The following LMNB2 variants were observed in gnomAD, a reference collection of about 807,000 sequenced individuals.
LMNB2 encodes the protein lamin B2, also known as lamin-B2.
Under a neutral mutation model 69.3 loss-of-function variants are expected in LMNB2, and 17 were observed. The ratio of observed to expected loss-of-function variants is 0.25; its 90% CI spans 0.17 to 0.37. LMNB2 has a LOEUF of 0.37. LMNB2 is among the 10% of genes least tolerant of loss of function. The pLI is 1.00. For synonymous variants in LMNB2, 397 were observed against 389.3 expected (o/e 1.02, Z -0.23); for missense variants, 789 against 883.6 (o/e 0.89, Z 1.36).
intron 1 of LMNB2, among the ~76,000 whole-genome samples, chr19:2,452,987 T>C (rs1353231865): frequency 1.8e-5 from 1 of 55,612 alleles, no homozygotes; most frequent in Non-Finnish European, 3.3e-5. Flanking sequence ...GTCATCCTAA[T>C]GGGGGCTGGG....
intron 11 of LMNB2, 74 bp downstream of exon 11, chr19:2,431,474 T>C (rs1248287839): frequency 5.0e-6 from 8 of 1,592,132 alleles, no homozygotes; most frequent in East Asian, 2.2e-5. Flanking sequence ...CCAGCACGCA[T>C]GTGTATGTGT....
chr19:2,451,231 G>A (rs975606792), intron 1 of LMNB2, among the ~76,000 whole-genome samples: 4 of 152,128 alleles, frequency 2.6e-5, no homozygotes, highest in Non-Finnish European at 5.9e-5. Flanking sequence ...CCTGGAAAAC[G>A]AGACTGTCTC....
chr19:2,435,497 G>A (rs978837488), intron 4 of LMNB2, among the ~76,000 whole-genome samples: 6 of 152,196 alleles, frequency 3.9e-5, no homozygotes, highest in African/African-American at 1.4e-4. Context: ...GAAATGTCCA[G>A]GACAGGCCCA....
intron 1 of LMNB2, 93 bp from the exon 2 acceptor site, chr19:2,444,633 C>G: frequency 6.6e-7 from 1 of 1,520,480 alleles, no homozygotes; most frequent in Non-Finnish European, 9.0e-7. Context: ...GCTCAGATTC[C>G]CAGGGACTGG....
chr19:2,452,907 TGGGG>T (rs1337160061), intron 1 of LMNB2, among the ~76,000 whole-genome samples: 3 of 79,224 alleles, frequency 3.8e-5, no homozygotes, highest in African/African-American at 1.6e-4. Flanking sequence ...GTCATCCTCG[TGGGG>T]GATGGGTCAT....
intron 9 of LMNB2, 120 bp from the exon 10 acceptor site, chr19:2,432,022 C>A (rs765866698): frequency 7.7e-7 from 1 of 1,300,228 alleles, no homozygotes; most frequent in Non-Finnish European, 1.1e-6. Context: ...CCTTCCAGCC[C>A]GACGCAGGCT....
chr19:2,455,299 G>C (rs1248162761), intron 1 of LMNB2, among the ~76,000 whole-genome samples: 1 of 151,264 alleles, frequency 6.6e-6, no homozygotes, highest in Non-Finnish European at 1.5e-5. Flanking sequence ...GGCCTCCTCA[G>C]AGGGCCTGGG....
chr19:2,432,496 T>C lies in LMNB2; in HGVS notation c.1510A>G (p.Lys504Glu). 10 of 1,613,878 alleles carry C rather than the reference T, an allele frequency of 6.2e-6. No homozygotes were observed. The highest frequency in any genetic ancestry group is 8.5e-6 in the Non-Finnish European group (10 of 1,179,912). ...KDQSLGNWRI[K>E]RQVLEGEEIA... is the part of the protein sequence containing the mutation. Reference sequence around the variant, plus strand: ...TCCTCCCCCTCCAAGACCTGCCTCTTGATTCTCCAGTTCCCCAGAGACTGA... The same window carrying C: ...TCCTCCCCCTCCAAGACCTGCCTCTCGATTCTCCAGTTCCCCAGAGACTGA... Residue 504 changes from lysine (K) to glutamate (E), a missense_variant, in exon 9 of 12, where the codon AAG (lysine) becomes GAG (glutamate). This residue lies in a region of LMNB2 where 609 missense variants were observed against 630.9 expected (regional missense o/e 0.97). Transcript: ENST00000325327.
At chr19:2,434,727 C>T in intron 6 of LMNB2, 61 bp downstream of exon 6, 1 of 1,559,330 alleles carries the variant, frequency 6.4e-7, no homozygotes. Flanking sequence ...CCCCGCACAT[C>T]CAGGGCAGGG....
chr19:2,436,457 T>C (rs1971822448), intron 4 of LMNB2, among the ~76,000 whole-genome samples: 1 of 151,880 alleles, frequency 6.6e-6, no homozygotes, highest in Non-Finnish European at 1.5e-5. Context: ...ACCTTTGCAG[T>C]CAGCAAGGCG....
chr19:2,436,551 G>A lies in LMNB2; in HGVS notation c.685-1380C>T, dbSNP rs1187001877. On this transcript the variant is annotated intron_variant, in intron 4 of 11. Coordinates refer to ENST00000325327, the MANE Select transcript of LMNB2 (RefSeq NM_032737.4). ...CGCCTCCACGGCCGCGCACCCGCCTGCACAGCCGCCCTCCCGCCTTCACGG... is the reference window on the plus strand; with the variant it reads ...CGCCTCCACGGCCGCGCACCCGCCTACACAGCCGCCCTCCCGCCTTCACGG... Among the ~76,000 whole-genome samples the A allele has an allele frequency of 4.4e-5, 4 of 91,880 alleles. No homozygotes were observed. In the South Asian group the frequency reaches 1.5e-3, roughly 35 times the overall value. The allele number at this position is 91,880 out of a possible 152,430, so 60.3% of individuals were successfully genotyped here. A position where few individuals can be genotyped will look rare whatever the true frequency, so the allele number is the denominator to read the frequency against.
chr19:2,440,983 TA>T (rs1390191674), intron 2 of LMNB2, among the ~76,000 whole-genome samples: 1 of 152,202 alleles, frequency 6.6e-6, no homozygotes, highest in African/African-American at 2.4e-5. Context: ...GGATCCGTAA[TA>T]AATCTTCAAA....
In LMNB2 at chr19:2,439,894, C is replaced by T. The variant is rs1438323696; in HGVS notation, c.402-1363G>A. 2.6e-5 allele frequency among the ~76,000 whole-genome samples: 4 copies of T among 151,834 alleles called. No individual in the cohort carries two copies. In the South Asian group the frequency reaches 8.3e-4, roughly 32 times the overall value. The stretch of plus-strand genomic sequence containing the variant: ...GATTACAGGCATGCGCCACCAGCGT[C>T]CGCTAATTTTTTATTTTTAGTAGAG... On this transcript the variant is annotated intron_variant, in intron 2 of 11. Coordinates refer to ENST00000325327, the MANE Select transcript of LMNB2 (RefSeq NM_032737.4).
At chr19:2,452,729 AAAG>A (rs1972038505) in intron 1 of LMNB2, among the ~76,000 whole-genome samples, 1 of 152,142 alleles carries the variant, frequency 6.6e-6, no homozygotes, top group Admixed American at 6.5e-5. Context: ...CTATCTCAAA[AAAG>A]AAGTGAGAAA....
chr19:2,435,543 G>A (rs775867167), intron 4 of LMNB2, among the ~76,000 whole-genome samples: 1 of 152,214 alleles, frequency 6.6e-6, no homozygotes, highest in Non-Finnish European at 1.5e-5. Context: ...TGGGGGCCAG[G>A]GCTGGGGACT....
chr19:2,432,208 G>A (rs1361275188), intron 9 of LMNB2, among the ~76,000 whole-genome samples: 1 of 152,138 alleles, frequency 6.6e-6, no homozygotes, highest in Non-Finnish European at 1.5e-5. Flanking sequence ...CCTGGACTCA[G>A]ACCCAGGGCA....
At chr19:2,432,377 C>G in intron 9 of LMNB2, 39 bp downstream of exon 9, 1 of 1,515,454 alleles carries the variant, frequency 6.6e-7, no homozygotes, top group Non-Finnish European at 9.1e-7. Context: ...CCTCACACCC[C>G]ATCCGTGGCC....
intron 1 of LMNB2, among the ~76,000 whole-genome samples, chr19:2,448,575 TG>T (rs750941274): frequency 6.6e-6 from 1 of 152,166 alleles, no homozygotes. Context: ...AAACCTGGCA[TG>T]GGGGCTCACC....
At chr19:2,433,002 C>T (rs112087835) in intron 8 of LMNB2, among the ~76,000 whole-genome samples, 32 of 78,654 alleles carry the variant, frequency 4.1e-4, no homozygotes, top group Middle Eastern at 0.013. Context: ...CCCTGCCTCG[C>T]ATTGGCCGGC....
Sources: allele counts gnomAD v4.1 joint callset (sites outside exome capture counted in the v4.1 genomes callset), GRCh38; gene constraint gnomAD v4.1.1; regional missense constraint gnomAD v4.1.1; transcripts MANE v1.5; gene names NCBI Gene and HGNC (gene_info 2026-07-23, HGNC 2026-07-21).